TBX15: variants seen among roughly 807,000 people sequenced by gnomAD.
TBX15 encodes the protein T-box transcription factor TBX15.
A neutral mutation model predicts 53.9 loss-of-function variants in TBX15; 18 were observed. The ratio of observed to expected loss-of-function variants is 0.33; its 90% confidence interval spans 0.23 to 0.49. TBX15 has a LOEUF of 0.49. Among genes scored for constraint, TBX15 ranks in the 20% least tolerant of loss-of-function variants. TBX15 has a pLI of 0.98. For missense variants in TBX15, 692 were observed against 749.5 expected (o/e 0.92, Z 0.90); for synonymous variants, 295 against 278.0 (o/e 1.06, Z -0.61).
chr1:118,983,135 T>C (rs1384142898), intron 1 of TBX15, among the ~76,000 whole-genome samples: 1 of 152,126 alleles, frequency 6.6e-6, no homozygotes, highest in African/African-American at 2.4e-5. Flanking sequence ...TTGTGATCCC[T>C]GGGTCTATCA....
rs146118610 is a variant in TBX15 at position 118,893,613 on chromosome 1, AAGAGAGAG to A, written c.1024+5407_1024+5414del. On this transcript the variant is annotated intron_variant, in intron 7 of 7. Coordinates refer to ENST00000369429, the MANE Select transcript of TBX15 (RefSeq NM_001330677.2). The stretch of plus-strand genomic sequence containing the variant: ...AAGGAAGGAAGGAAAGAAAGAAAGA[AAGAGAGAG>A]AGAAAGAAAAAGAAAGAAAGAAAGG... 2.9e-5 allele frequency among the ~76,000 whole-genome samples: 4 copies of A among 136,630 alleles called. No individual in the cohort carries two copies. In the South Asian group the frequency reaches 6.5e-4, roughly 22 times the overall value. 89.6% of individuals were successfully genotyped at this position (136,630 alleles called of 152,430 possible). A position where few individuals can be genotyped will look rare whatever the true frequency, so the allele number is the denominator to read the frequency against.
At chr1:118,967,251 G>A (rs956917249) in intron 1 of TBX15, among the ~76,000 whole-genome samples, 1 of 152,166 alleles carries the variant, frequency 6.6e-6, no homozygotes, top group Non-Finnish European at 1.5e-5. Flanking sequence ...TTCACGTGCA[G>A]ATTCACCAAA....
rs75673429 is a variant in TBX15, at chr1:118,970,942, C to T, written c.205+16649G>A. Among the ~76,000 whole-genome samples, 565 of 152,326 alleles carry T rather than the reference C, an allele frequency of 3.7e-3. 2 individuals carry two copies. The highest frequency in any genetic ancestry group is 0.013 in the African/African-American group (539 of 41,568). ...TTTCTGTCATTCTGCTTCAAGTTAA[C>T]CCAATTCTGCTCTCTCAGGAAAACA... On this transcript the variant is annotated intron_variant, in intron 1 of 7. Transcript: ENST00000369429.
At chr1:118,977,257 T>C (rs949277841) in intron 1 of TBX15, among the ~76,000 whole-genome samples, 1 of 152,148 alleles carries the variant, frequency 6.6e-6, no homozygotes, top group African/African-American at 2.4e-5. Context: ...ATTTTGTGAG[T>C]GTTTTGATAT....
intron 7 of TBX15, among the ~76,000 whole-genome samples, chr1:118,889,794 C>G (rs1654074830): frequency 3.5e-5 from 4 of 113,886 alleles, no homozygotes; most frequent in African/African-American, 1.5e-4. Context: ...GGCACATAGG[C>G]ATTAATTTAA....
At position 118,883,945 on chromosome 1, in the gene TBX15, T is replaced by C. The variant is rs900755522; in HGVS notation, c.*787A>G. On this transcript the variant is annotated 3_prime_UTR_variant, in exon 8 of 8. Coordinates refer to ENST00000369429, the MANE Select transcript of TBX15 (RefSeq NM_001330677.2). ...AGTCTTGCTCTCCACCTCGTTCCTG[T>C]TCTCTATTCTTTCTGTTTGTCTTTC... 2 of 152,810 alleles carry C rather than the reference T, an allele frequency of 1.3e-5. No homozygotes were observed. The highest frequency in any genetic ancestry group is 2.9e-5 in the Non-Finnish European group (2 of 68,144). The allele number at this position is 152,810 out of a possible 1,614,324, so 9.5% of individuals were successfully genotyped here.
chr1:118,924,289 G>C (rs1275323679), intron 4 of TBX15, among the ~76,000 whole-genome samples: 1 of 152,122 alleles, frequency 6.6e-6, no homozygotes, highest in Non-Finnish European at 1.5e-5. Context: ...TCATTCACTT[G>C]TTTCTCTTGT....
At chr1:118,952,398 T>C (rs1478269635) in intron 1 of TBX15, among the ~76,000 whole-genome samples, 1 of 151,280 alleles carries the variant, frequency 6.6e-6, no homozygotes, top group Non-Finnish European at 1.5e-5. Flanking sequence ...GGGTCAATAA[T>C]ACAGAAAGAA....
intron 6 of TBX15, among the ~76,000 whole-genome samples, chr1:118,906,299 T>C (rs946624822): frequency 1.4e-4 from 21 of 152,152 alleles, no homozygotes; most frequent in African/African-American, 2.4e-5. Context: ...AATAGAGAGC[T>C]CTATTAGCAA....
intron 7 of TBX15, among the ~76,000 whole-genome samples, chr1:118,887,597 C>G (rs1653988411): frequency 1.3e-5 from 2 of 151,924 alleles, no homozygotes; most frequent in Non-Finnish European, 2.9e-5. Context: ...ATCTCTTGAG[C>G]CCAGGAGGCG....
intron 6 of TBX15, among the ~76,000 whole-genome samples, chr1:118,913,052 G>C (rs1276554884): frequency 6.6e-6 from 1 of 152,252 alleles, no homozygotes; most frequent in East Asian, 1.9e-4. Context: ...ATTTTGTAAA[G>C]AAAATGATTG....
At chr1:118,940,251 C>T (rs1231142219) in intron 1 of TBX15, among the ~76,000 whole-genome samples, 1 of 151,868 alleles carries the variant, frequency 6.6e-6, no homozygotes, top group East Asian at 1.9e-4. Flanking sequence ...CAGTTATATT[C>T]AGGAATATTT....
At chr1:118,913,130 G>A (rs1020060445) in intron 6 of TBX15, among the ~76,000 whole-genome samples, 2 of 151,976 alleles carry the variant, frequency 1.3e-5, no homozygotes, top group African/African-American at 4.8e-5. Flanking sequence ...AAAATGGTTT[G>A]AAATAAAAGT....
intron 1 of TBX15, among the ~76,000 whole-genome samples, chr1:118,979,668 G>A (rs558522314): frequency 6.6e-6 from 1 of 152,136 alleles, no homozygotes; most frequent in Non-Finnish European, 1.5e-5. Flanking sequence ...TTTTTGGGGG[G>A]TGTCTTTCAC....
intron 1 of TBX15, among the ~76,000 whole-genome samples, chr1:118,939,426 A>AAAAAC (rs1656083756): frequency 9.4e-6 from 1 of 106,608 alleles, no homozygotes; most frequent in African/African-American, 3.7e-5. Flanking sequence ...AAAAAAAAAA[A>AAAAAC]AAAAAAAAAA....
rs1657890287 is a variant in TBX15, at chr1:118,987,745, G to A, written c.51C>T (p.Ala17=). 2.6e-6 allele frequency: 4 copies of A among 1,550,368 alleles called. No individual in the cohort carries two copies. Among genetic ancestry groups the A allele is most frequent in the Non-Finnish European group, 3.5e-6 (4 of 1,146,846 alleles). ...AGCCGATCAAGGCTTCAACGGAGAA[G>A]GCATGTGCTCGCGAGCTCAGGGCGA... ...SAVALSSRAH[A]FSVEALIGSN... Residue 17 remains alanine, a synonymous_variant, in exon 1 of 8, where the codon GCC becomes GCT. Transcript: ENST00000369429.
Position 118,884,906 on chromosome 1 carries a change from A to G in TBX15, c.1635T>C (p.Ser545=), listed in dbSNP as rs1370612997. 1.2e-6 allele frequency: 2 copies of G among 1,614,102 alleles called. No homozygotes were observed. Among genetic ancestry groups the G allele is most frequent in the Non-Finnish European group, 1.7e-6 (2 of 1,180,044 alleles). ...CTCCAAAGGCCCCGTTGGAAGGAGA[A>G]GAACAGAGTAAAGTGCTTTGAGAGG... ...LSASQSTLLC[S]SPSNGAFGER... is the part of the protein sequence containing the mutation. The change falls in exon 8 of 8, where the codon TCT becomes TCC. Residue 545 remains serine (S), a synonymous_variant. Transcript: ENST00000369429.
intron 1 of TBX15, among the ~76,000 whole-genome samples, chr1:118,976,194 G>A (rs151226493): frequency 4.4e-4 from 67 of 152,236 alleles, no homozygotes; most frequent in African/African-American, 1.4e-3. Context: ...AAACAGAGCT[G>A]GGGTTTCTGT....
intron 5 of TBX15, 117 bp from the exon 6 acceptor site, chr1:118,914,296 C>T: frequency 5.1e-6 from 5 of 983,164 alleles, no homozygotes; most frequent in Non-Finnish European, 6.2e-6. Context: ...TATTTAATTT[C>T]CTTTCAGCTC....
Sources: gnomAD v4.1 joint callset for allele counts (sites outside exome capture counted in the v4.1 genomes callset) on GRCh38, gnomAD v4.1.1 for gene constraint, MANE v1.5 for transcripts, NCBI Gene and HGNC (gene_info 2026-07-23, HGNC 2026-07-21) for gene names.